The following ZEB1 variants were observed in gnomAD, a reference collection of about 807,000 sequenced individuals.
ZEB1 encodes the protein zinc finger E-box binding homeobox 1, also known as zinc finger E-box-binding homeobox 1.
In ZEB1, 21 loss-of-function variants were observed where a neutral mutation model predicts 84.9. The ratio of observed to expected loss-of-function variants is 0.25; its 90% CI spans 0.18 to 0.36. The LOEUF is 0.36. Ranked by LOEUF, ZEB1 falls within the 10% of genes least tolerant of loss-of-function variation. The pLI is 1.00. For missense variants in ZEB1, 1,104 were observed against 1,330.2 expected (o/e 0.83, Z 2.65); for synonymous variants, 420 against 471.1 (o/e 0.89, Z 1.41).
chr10:31,415,993 G>C (rs780977310), intron 1 of ZEB1, among the ~76,000 whole-genome samples: 1 of 152,006 alleles, frequency 6.6e-6, no homozygotes, highest in Non-Finnish European at 1.5e-5. Flanking sequence ...AATAATCTTA[G>C]TTGTAAATAC....
intron 1 of ZEB1, among the ~76,000 whole-genome samples, chr10:31,398,961 C>T (rs1486229998): frequency 2.0e-5 from 3 of 151,562 alleles, no homozygotes; most frequent in African/African-American, 7.3e-5. Flanking sequence ...ATATGATCAT[C>T]CATTTGCTAA....
chr10:31,469,990 A>G (rs1340663392), intron 2 of ZEB1, among the ~76,000 whole-genome samples: 2 of 151,980 alleles, frequency 1.3e-5, no homozygotes, highest in Admixed American at 6.5e-5. Flanking sequence ...CAACAGACCT[A>G]CAGCTGAGGG....
chr10:31,460,236 A>G (rs2061666102), intron 1 of ZEB1, among the ~76,000 whole-genome samples: 1 of 152,104 alleles, frequency 6.6e-6, no homozygotes, highest in South Asian at 2.1e-4. Flanking sequence ...AACTATAGAA[A>G]TCACTCAGAA....
At chr10:31,363,051 C>T (rs1177586546) in intron 1 of ZEB1, 2 of 1,533,874 alleles carry the variant, frequency 1.3e-6, no homozygotes, top group Admixed American at 2.0e-5. Flanking sequence ...TCGGTTGCAG[C>T]TGCAGCGGTG....
chr10:31,362,220 T>C (rs557921666), intron 1 of ZEB1, among the ~76,000 whole-genome samples: 1 of 144,708 alleles, frequency 6.9e-6, no homozygotes, highest in East Asian at 2.0e-4. Context: ...GCAGAGGTGC[T>C]CCTCACTTCC....
At position 31,432,010 on chromosome 10, in the gene ZEB1, T is replaced by C. The variant is rs564056036; in HGVS notation, c.59-29027T>C. On this transcript the variant is annotated intron_variant, in intron 1 of 8. Transcript: ENST00000424869. Reference sequence around the variant, plus strand: ...AATATCATGTGTATGTGGATACAGATATCAGTATTCTGGTTACTGCCCTCA... The same window carrying C: ...AATATCATGTGTATGTGGATACAGACATCAGTATTCTGGTTACTGCCCTCA... Among the ~76,000 whole-genome samples the C allele has an allele frequency of 7.9e-5, 12 of 152,368 alleles. No homozygotes were observed. The South Asian group carries it at 2.3e-3, about 29-fold the overall frequency.
rs2072108600 is a variant in ZEB1 at position 31,520,613 on chromosome 10, G to T, written c.1281G>T (p.Arg427Ser). 4 of 1,613,924 alleles carry T rather than the reference G, an allele frequency of 2.5e-6. No individual in the cohort carries two copies. The highest frequency in any genetic ancestry group is 3.4e-6 in the Non-Finnish European group (4 of 1,179,966). ...TGGCGGTAGATGGTAATGTAATAAG[G>T]CAAGTGTTGGAGAATAATCAAGCCA... ...LKVAVDGNVIRQVLENNQANL... is the reference protein window; with the variant it reads ...LKVAVDGNVISQVLENNQANL... Residue 427 changes from arginine to serine, a missense_variant, in exon 7 of 9, where the codon AGG becomes AGT. Physicochemically the swap from Arg to Ser is moderately radical, Grantham distance 110. Coordinates refer to ENST00000424869, the MANE Select transcript of ZEB1 (RefSeq NM_001174096.2). The surrounding 1 kb of genome is among the most constrained non-coding windows in gnomAD (Gnocchi z 5.1).
intron 1 of ZEB1, among the ~76,000 whole-genome samples, chr10:31,399,186 G>A (rs767592768): frequency 1.3e-5 from 2 of 151,938 alleles, no homozygotes; most frequent in Non-Finnish European, 2.9e-5. Flanking sequence ...GTAGAAATGG[G>A]GTTTCACCAT....
At chr10:31,435,832 C>T (rs889241866) in intron 1 of ZEB1, among the ~76,000 whole-genome samples, 6 of 152,148 alleles carry the variant, frequency 3.9e-5, no homozygotes, top group Non-Finnish European at 5.9e-5. Context: ...TGAAAGATCA[C>T]CCCGGCTGCT....
At chr10:31,442,574 AAAAG>A (rs1034291343) in intron 1 of ZEB1, among the ~76,000 whole-genome samples, 2 of 152,068 alleles carry the variant, frequency 1.3e-5, no homozygotes, top group African/African-American at 2.4e-5. Context: ...TAATAAAAAA[AAAAG>A]AAATCCAAGT....
At chr10:31,363,001 G>A (rs905079580) in intron 1 of ZEB1, 21 of 1,533,752 alleles carry the variant, frequency 1.4e-5, no homozygotes, top group Non-Finnish European at 1.8e-5. Context: ...TGCCGGTGGG[G>A]GCCGCTCGTC....
At chr10:31,360,873 G>T (rs1380625241) in intron 1 of ZEB1, 3 of 1,089,436 alleles carry the variant, frequency 2.8e-6, no homozygotes, top group African/African-American at 1.5e-5. Flanking sequence ...CACAGTAGTG[G>T]CGTTACAGTG....
chr10:31,391,923 A>G (rs998864252), intron 1 of ZEB1, among the ~76,000 whole-genome samples: 1 of 152,184 alleles, frequency 6.6e-6, no homozygotes, highest in African/African-American at 2.4e-5. Flanking sequence ...TTGGTCGACA[A>G]CCACTGTGAT....
chr10:31,450,079 G>A (rs2137008856), intron 1 of ZEB1, among the ~76,000 whole-genome samples: 1 of 152,304 alleles, frequency 6.6e-6, no homozygotes, highest in South Asian at 2.1e-4. Flanking sequence ...GTTGATCTAA[G>A]TCATTTAGAT....
In ZEB1 at chr10:31,481,812, C is replaced by A. The variant is rs2065075217; in HGVS notation, c.260-13964C>A. ...ATAATCCAGAAAATAAAAGAAATAT[C>A]CATCCATCTGTATTGATATAAATAC... is the stretch of plus-strand genomic sequence containing the variant. On this transcript the variant is annotated intron_variant, in intron 2 of 8. Transcript: ENST00000424869. Among the ~76,000 whole-genome samples the A allele has an allele frequency of 2.0e-5, 3 of 151,944 alleles. No homozygotes were observed. In the South Asian group the frequency reaches 6.2e-4, roughly 32 times the overall value.
intron 3 of ZEB1, among the ~76,000 whole-genome samples, chr10:31,499,303 A>G (rs1014031620): frequency 1.3e-5 from 2 of 152,176 alleles, no homozygotes; most frequent in Non-Finnish European, 1.5e-5. Context: ...TTCAGAAATG[A>G]TTAAGGAAAC....
intron 1 of ZEB1, among the ~76,000 whole-genome samples, chr10:31,367,916 A>G (rs893507957): frequency 3.3e-5 from 5 of 152,034 alleles, no homozygotes; most frequent in Non-Finnish European, 7.4e-5. Flanking sequence ...TACACTTTCT[A>G]AAATACATGA....
At chr10:31,322,047 AAAC>A (rs1403564470) in intron 1 of ZEB1, 1 of 170,650 alleles carries the variant, frequency 5.9e-6, no homozygotes. Flanking sequence ...TACTCTCAGA[AAAC>A]AAAAGGTGTT....
intron 1 of ZEB1, chr10:31,319,521 T>C: frequency 3.7e-6 from 2 of 543,420 alleles, no homozygotes; most frequent in South Asian, 4.5e-5. Context: ...TTACCTGGTC[T>C]CTCTCCGCCT....
Sources: allele counts gnomAD v4.1 joint callset (sites outside exome capture counted in the v4.1 genomes callset), GRCh38; gene constraint gnomAD v4.1.1; non-coding constraint Gnocchi (gnomAD v3.1); transcripts MANE v1.5; gene names NCBI Gene and HGNC (gene_info 2026-07-23, HGNC 2026-07-21).